Variants in XKR9 observed in about 807,000 individuals in gnomAD.
The protein encoded by XKR9 is XK related 9, also known as XK-related protein 9.
Under a neutral mutation model 32.0 loss-of-function variants are expected in XKR9, and 32 were observed. That is an observed-to-expected ratio of 1.00 (90% CI 0.76 to 1.34). XKR9 has a LOEUF of 1.34. XKR9 is among the 40% of genes most tolerant of loss of function. The pLI, the probability that XKR9 is intolerant of heterozygous loss-of-function variation, is 0.00. For synonymous variants in XKR9, 168 were observed against 143.4 expected (o/e 1.17, Z -1.22); for missense variants, 546 against 429.7 (o/e 1.27, Z -2.39).
At chr8:70,771,086 G>A (rs576244661) in intron 2 of XKR9, among the ~76,000 whole-genome samples, 8 of 152,178 alleles carry the variant, frequency 5.3e-5, no homozygotes, top group Non-Finnish European at 7.3e-5. Context: ...TGCAAAAACC[G>A]TGGGAAAAGC....
the XKR9 span, among the ~76,000 whole-genome samples, chr8:70,801,416 T>C: frequency 6.6e-6 from 1 of 152,236 alleles, no homozygotes; most frequent in Non-Finnish European, 1.5e-5. Context: ...TTAACTTTAT[T>C]GCTGCCCAAA....
chr8:70,765,815 T>C (rs937924555), intron 2 of XKR9, among the ~76,000 whole-genome samples: 1 of 152,232 alleles, frequency 6.6e-6, no homozygotes, highest in African/African-American at 2.4e-5. Context: ...GTTTCAGTTT[T>C]CTGCATATGG....
chr8:70,917,584 GAGGAAC>G, the XKR9 span, among the ~76,000 whole-genome samples: 1 of 152,168 alleles, frequency 6.6e-6, no homozygotes, highest in Non-Finnish European at 1.5e-5. Context: ...ATCATAAGTG[GAGGAAC>G]ATCTATAGTT....
the XKR9 span, among the ~76,000 whole-genome samples, chr8:70,905,466 C>T: frequency 6.6e-6 from 1 of 152,146 alleles, no homozygotes; most frequent in African/African-American, 2.4e-5. Context: ...TTTTTCAGCT[C>T]CATCAGGTCA....
At chr8:70,767,177 C>A (rs1251533419) in intron 2 of XKR9, among the ~76,000 whole-genome samples, 1 of 152,138 alleles carries the variant, frequency 6.6e-6, no homozygotes, top group Non-Finnish European at 1.5e-5. Context: ...AGGAATGGTA[C>A]CAGCTCCTCT....
chr8:70,690,050 A>G (rs1819456350), intron 3 of XKR9, among the ~76,000 whole-genome samples: 1 of 152,186 alleles, frequency 6.6e-6, no homozygotes, highest in Admixed American at 6.5e-5. Flanking sequence ...GCATTAGTGG[A>G]AGATGCCAGA....
chr8:71,025,513 C>T, the XKR9 span, among the ~76,000 whole-genome samples: 1 of 152,164 alleles, frequency 6.6e-6, no homozygotes, highest in African/African-American at 2.4e-5. Flanking sequence ...ATTGTCTGTG[C>T]AATAAAACGC....
At chr8:70,898,912 C>G in the XKR9 span, among the ~76,000 whole-genome samples, 1 of 151,722 alleles carries the variant, frequency 6.6e-6, no homozygotes, top group African/African-American at 2.4e-5. Context: ...TGTGATATGC[C>G]ATTTTTCTTT....
chr8:70,755,676 G>A lies in XKR9; in HGVS notation n.353-33663G>A, dbSNP rs566301680. Reference sequence around the variant, plus strand: ...TCGGAAGGACAAAAAACCAAACACCGCATGTTCTCACTCATAGATGGGAAT... The same window carrying A: ...TCGGAAGGACAAAAAACCAAACACCACATGTTCTCACTCATAGATGGGAAT... On this transcript the variant is annotated intron_variant and non_coding_transcript_variant, in intron 2 of 3. Transcript: ENST00000520273. Among the ~76,000 whole-genome samples, 123 of 146,838 alleles carry A rather than the reference G, an allele frequency of 8.4e-4. 1 individual carries two copies. The highest frequency in any genetic ancestry group is 2.8e-3 in the African/African-American group (110 of 39,744).
chr8:70,986,258 A>G, the XKR9 span, among the ~76,000 whole-genome samples: 2 of 152,226 alleles, frequency 1.3e-5, no homozygotes, highest in Non-Finnish European at 2.9e-5. Flanking sequence ...TTTCTCATCC[A>G]TAAAATAGGA....
At chr8:70,844,834 A>C in the XKR9 span, among the ~76,000 whole-genome samples, 1 of 152,160 alleles carries the variant, frequency 6.6e-6, no homozygotes, top group Admixed American at 6.5e-5. Context: ...AATGCATGCC[A>C]CTTCAAAGCC....
intron 2 of XKR9, among the ~76,000 whole-genome samples, chr8:70,786,741 G>C (rs1328686384): frequency 2.0e-5 from 3 of 151,972 alleles, no homozygotes; most frequent in African/African-American, 7.2e-5. Flanking sequence ...CTTTTTATGG[G>C]AGAATTTAAT....
the XKR9 span, among the ~76,000 whole-genome samples, chr8:70,838,688 A>G: frequency 1.3e-5 from 2 of 152,098 alleles, no homozygotes; most frequent in African/African-American, 2.4e-5. Flanking sequence ...CCTCAAAGAT[A>G]TGATGTTCTC....
the XKR9 span, among the ~76,000 whole-genome samples, chr8:70,867,849 C>G: frequency 6.6e-6 from 1 of 152,154 alleles, no homozygotes; most frequent in Admixed American, 6.5e-5. Context: ...CTATGAGCTT[C>G]TAAAATCAAG....
the XKR9 span, among the ~76,000 whole-genome samples, chr8:71,050,238 T>TAG: frequency 5.7e-5 from 7 of 122,706 alleles, no homozygotes; most frequent in African/African-American, 1.2e-4. Flanking sequence ...CTGGCAGAGA[T>TAG]ATATATATAT....
chr8:70,940,791 T>C, the XKR9 span, among the ~76,000 whole-genome samples: 1 of 152,084 alleles, frequency 6.6e-6, no homozygotes, highest in East Asian at 1.9e-4. Context: ...TTCCCTTTTC[T>C]TTTCCCCTTC....
chr8:70,677,466 G>A (rs1419463075), intron 2 of XKR9, among the ~76,000 whole-genome samples: 1 of 152,070 alleles, frequency 6.6e-6, no homozygotes, highest in African/African-American at 2.4e-5. Context: ...TGTTTAGAAA[G>A]GTTTAGATCA....
chr8:71,018,637 A>C, the XKR9 span, among the ~76,000 whole-genome samples: 2 of 152,220 alleles, frequency 1.3e-5, no homozygotes, highest in African/African-American at 4.8e-5. Flanking sequence ...CCTGGCACAT[A>C]GTACGTACTC....
At chr8:70,827,482 T>C in the XKR9 span, among the ~76,000 whole-genome samples, 1 of 152,124 alleles carries the variant, frequency 6.6e-6, no homozygotes, top group Non-Finnish European at 1.5e-5. Flanking sequence ...ATATGGTAAT[T>C]AGAAGAAGAA....
Sources: allele counts gnomAD v4.1 joint callset (sites outside exome capture counted in the v4.1 genomes callset), GRCh38; gene constraint gnomAD v4.1.1; transcripts MANE v1.5; gene names NCBI Gene and HGNC (gene_info 2026-07-23, HGNC 2026-07-21).